The following SPG11 variants were observed in gnomAD, a reference collection of about 807,000 sequenced individuals.
SPG11 encodes the protein SPG11 vesicle trafficking associated, spatacsin, also known as spatacsin.
SPG11 carries 222 observed loss-of-function variants against 274.0 expected under a neutral mutation model. The observed-to-expected ratio is 0.81, with a 90% confidence interval of 0.73 to 0.91. The LOEUF (loss-of-function observed/expected upper bound fraction) is 0.91. SPG11 is among the 40% of genes least tolerant of loss of function. The pLI, the probability that SPG11 is intolerant of heterozygous loss-of-function variation, is 0.00. For synonymous variants in SPG11, 1,144 were observed against 1,039.7 expected, an observed-to-expected ratio of 1.10 and a Z score of -1.93; for missense variants, 3,114 against 2,872.7, an observed-to-expected ratio of 1.08 and a Z score of -1.92.
Position 44,603,657 on chromosome 15 carries a change from C to A in SPG11, c.3520+2368G>T, listed in dbSNP as rs148524927. Among the ~76,000 whole-genome samples, 32 of 152,224 alleles carry A rather than the reference C, an allele frequency of 2.1e-4. No individual in the cohort carries two copies. The East Asian group carries it at 5.2e-3, about 25-fold the overall frequency. ...TATGAGTCTAGTCATCTCTTGGTATCCATGGGGGATTGGTTCCTGAAACCC... is the reference window on the plus strand; with the variant it reads ...TATGAGTCTAGTCATCTCTTGGTATACATGGGGGATTGGTTCCTGAAACCC... On this transcript the variant is annotated intron_variant, in intron 20 of 39. Transcript: ENST00000261866.
chr15:44,652,333 G>A lies in SPG11; in HGVS notation c.870-67C>T. The A allele has an allele frequency of 4.6e-6, 7 of 1,531,310 alleles. No individual in the cohort carries two copies. In the South Asian group the frequency reaches 6.8e-5, roughly 15 times the overall value. 94.9% of individuals were successfully genotyped at this position (1,531,310 alleles called of 1,614,324 possible). On this transcript the variant is annotated intron_variant, in intron 4 of 39. Transcript: ENST00000261866. ...TCAAACCCAAATTTGTGTTACTACT[G>A]CTCCTGTTAAAAATAAGAGATTACA...
chr15:44,563,943 A>G (rs1205040778), intron 39 of SPG11, among the ~76,000 whole-genome samples: 3 of 152,132 alleles, frequency 2.0e-5, no homozygotes, highest in African/African-American at 7.2e-5. Flanking sequence ...GTTAATGCTT[A>G]CCTTATAGAG....
At chr15:44,663,325 G>A in intron 1 of SPG11, 66 bp downstream of exon 1, 19 of 1,555,282 alleles carry the variant, frequency 1.2e-5, no homozygotes, top group Non-Finnish European at 1.6e-5. Flanking sequence ...GTGAGCCCTT[G>A]GGGCTCAGTC....
At chr15:44,604,251 G>A (rs1326431131) in intron 20 of SPG11, 2 of 351,104 alleles carry the variant, frequency 5.7e-6, no homozygotes, top group East Asian at 8.2e-5. Context: ...ATCTTACAAA[G>A]GTCTTACCTG....
chr15:44,603,842 T>A (rs1206005684), intron 20 of SPG11, among the ~76,000 whole-genome samples: 1 of 152,220 alleles, frequency 6.6e-6, no homozygotes, highest in East Asian at 1.9e-4. Context: ...TATACTGTAT[T>A]TTTAAATTGG....
At chr15:44,604,713 G>A (rs2083276101) in intron 20 of SPG11, among the ~76,000 whole-genome samples, 1 of 151,906 alleles carries the variant, frequency 6.6e-6, no homozygotes, top group African/African-American at 2.4e-5. Context: ...TGGATCACGA[G>A]GTCAGGAGAT....
chr15:44,630,539 A>G (rs1233868808), intron 8 of SPG11, among the ~76,000 whole-genome samples: 1 of 152,224 alleles, frequency 6.6e-6, no homozygotes, highest in African/African-American at 2.4e-5. Context: ...TTCAAGAAAG[A>G]GGAGACCAAA....
intron 30 of SPG11, among the ~76,000 whole-genome samples, chr15:44,581,061 A>G (rs2082649650): frequency 6.6e-6 from 1 of 151,310 alleles, no homozygotes; most frequent in Non-Finnish European, 1.5e-5. Context: ...CCAACAACAG[A>G]AAAAAAAACA....
At chr15:44,620,546 A>G in intron 14 of SPG11, 143 bp from the exon 15 acceptor site, 3 of 708,962 alleles carry the variant, frequency 4.2e-6, no homozygotes, top group Non-Finnish European at 6.8e-6. Context: ...CTGTTTTACT[A>G]TTTTCCTTTT....
intron 19 of SPG11, among the ~76,000 whole-genome samples, chr15:44,608,231 T>C (rs891605151): frequency 2.6e-5 from 4 of 152,242 alleles, no homozygotes; most frequent in African/African-American, 7.2e-5. Flanking sequence ...CACCACTTTT[T>C]TGCATTGTTC....
At chr15:44,598,429 A>C (rs2083099932) in intron 22 of SPG11, 56 bp from the exon 23 acceptor site, 2 of 1,528,186 alleles carry the variant, frequency 1.3e-6, no homozygotes, top group Non-Finnish European at 1.8e-6. Context: ...AAACCTGAGC[A>C]TTTCTGTTTG....
At chr15:44,632,210 T>C (rs2084087658) in intron 8 of SPG11, among the ~76,000 whole-genome samples, 1 of 152,134 alleles carries the variant, frequency 6.6e-6, no homozygotes, top group Admixed American at 6.6e-5. Context: ...TCTCTCCTAA[T>C]TTCTCCCAAT....
At chr15:44,588,525 A>C (rs2082825357) in intron 28 of SPG11, 3 of 193,280 alleles carry the variant, frequency 1.6e-5, no homozygotes, top group African/African-American at 7.2e-5. Flanking sequence ...ATACTAATAT[A>C]GGAAAAATTA....
chr15:44,633,574 A>G lies in SPG11; in HGVS notation c.1666T>C (p.Phe556Leu). The part of the protein sequence containing the change: ...NFFLKSKENL[F>L]NPSSKSSVSD... ...ACAGAAGATTTTGAGGATGGATTAA[A>G]AAGATTTTCCTTGCTCTTCAAAAAG... The change falls in exon 8 of 40, where the codon TTT (phenylalanine) becomes CTT (leucine). Residue 556 changes from phenylalanine to leucine, a missense_variant. Phe to Leu is a conservative substitution (Grantham distance 22). Transcript: ENST00000261866. 1.2e-6 allele frequency: 2 copies of G among 1,613,350 alleles called. No individual in the cohort carries two copies. The highest frequency in any genetic ancestry group is 1.7e-6 in the Non-Finnish European group (2 of 1,179,456).
At position 44,575,055 on chromosome 15, in the gene SPG11, C is replaced by T. The variant is rs2082505486; in HGVS notation, c.5867-14G>A. ...CCAGACTTGAAGCTGGAAGCAAATA[C>T]AAGTCTGAGGGGCTCTAAGCTGGGA... On this transcript the variant is annotated splice_polypyrimidine_tract_variant and intron_variant, in intron 30 of 39. Transcript: ENST00000261866. The T allele has an allele frequency of 6.2e-7, 1 of 1,613,636 alleles. No homozygotes were observed. Among genetic ancestry groups the T allele is most frequent in the Non-Finnish European group, 8.5e-7 (1 of 1,179,968 alleles).
intron 34 of SPG11, among the ~76,000 whole-genome samples, chr15:44,570,029 C>G (rs889667893): frequency 6.6e-6 from 1 of 152,164 alleles, no homozygotes; most frequent in African/African-American, 2.4e-5. Flanking sequence ...AAATGTGACT[C>G]TCAAGTGCTA....
At position 44,608,577 on chromosome 15, in the gene SPG11, C is replaced by G. The variant is rs201271196; in HGVS notation, c.3320G>C (p.Cys1107Ser). The G allele has an allele frequency of 1.1e-4, 173 of 1,614,038 alleles. No homozygotes were observed. In the East Asian group the frequency reaches 1.5e-3, roughly 14 times the overall value. ...QVVQNEENENCLKKVDPQLLK... is the reference protein window; with the variant it reads ...QVVQNEENENSLKKVDPQLLK... ...TAGCTGGGGATCCACTTTCTTCAAA[C>G]AGTTTTCATTTTCTTCATTCTGAAC... is the stretch of plus-strand genomic sequence containing the variant. The change falls in exon 19 of 40, where the codon TGT becomes TCT. Residue 1107 changes from cysteine (C) to serine (S), a missense_variant. By Grantham distance (112) the Cys-to-Ser change is moderately radical. Coordinates refer to ENST00000261866, the MANE Select transcript of SPG11 (RefSeq NM_025137.4).
In SPG11 at chr15:44,573,531, C is replaced by A; in HGVS notation, c.6205+16G>T. ...ATGCTGTCAGAGAGGTTGGGAATCC[C>A]CGGGGGGTAGGGCACCTGTTCCCTG... On this transcript the variant is annotated intron_variant, in intron 32 of 39. Coordinates refer to ENST00000261866, the MANE Select transcript of SPG11 (RefSeq NM_025137.4). 3 of 1,614,072 alleles carry A rather than the reference C, an allele frequency of 1.9e-6. No homozygotes were observed. The highest frequency in any genetic ancestry group is 2.2e-5 in the East Asian group (1 of 44,874).
intron 23 of SPG11, 122 bp downstream of exon 23, chr15:44,598,143 G>A: frequency 1.4e-6 from 1 of 710,672 alleles, no homozygotes; most frequent in Non-Finnish European, 2.6e-6. Flanking sequence ...GCTAGATAAA[G>A]AAGAAGATAA....
Sources: gnomAD v4.1 joint callset for allele counts (sites outside exome capture counted in the v4.1 genomes callset) on GRCh38, gnomAD v4.1.1 for gene constraint, MANE v1.5 for transcripts, NCBI Gene and HGNC (gene_info 2026-07-23, HGNC 2026-07-21) for gene names.